MAML2: variants seen among roughly 807,000 people sequenced by gnomAD.
MAML2 encodes mastermind-like protein 2.
MAML2 carries 22 observed loss-of-function variants against 96.1 expected under a neutral mutation model. The ratio of observed to expected loss-of-function variants is 0.23; its 90% CI spans 0.16 to 0.33. The LOEUF (loss-of-function observed/expected upper bound fraction) is 0.33. MAML2 is among the 10% of genes least tolerant of loss of function. MAML2 has a pLI of 1.00. For synonymous variants in MAML2, 561 were observed against 521.3 expected (o/e 1.08, Z -1.04); for missense variants, 1,367 against 1,392.4 (o/e 0.98, Z 0.29).
intron 1 of MAML2, among the ~76,000 whole-genome samples, chr11:96,135,771 C>T (rs1860620643): frequency 6.6e-6 from 1 of 150,992 alleles, no homozygotes; most frequent in East Asian, 1.9e-4. Flanking sequence ...CTAATAGTGA[C>T]ATACATCTCT....
chr11:96,222,063 A>G (rs1447151688), intron 1 of MAML2, among the ~76,000 whole-genome samples: 1 of 152,052 alleles, frequency 6.6e-6, no homozygotes, highest in African/African-American at 2.4e-5. Context: ...TTTTATTAAA[A>G]CCAGACCAAC....
At position 96,249,643 on chromosome 11, in the gene MAML2, G is replaced by A. The variant is rs577064771; in HGVS notation, c.513+91740C>T. 3.9e-5 allele frequency among the ~76,000 whole-genome samples: 6 copies of A among 152,026 alleles called. No homozygotes were observed. The South Asian group carries it at 1.0e-3, about 26-fold the overall frequency. ...CTTTCTTTGACACCCTACATCCAACGTATTGGCACTACTCTTGGCTCTGAC... is the reference window on the plus strand; with the variant it reads ...CTTTCTTTGACACCCTACATCCAACATATTGGCACTACTCTTGGCTCTGAC... On this transcript the variant is annotated intron_variant, in intron 1 of 4. Coordinates refer to ENST00000524717, the MANE Select transcript of MAML2 (RefSeq NM_032427.4).
In MAML2 at chr11:96,281,290, G is replaced by A. The variant is rs546674225; in HGVS notation, c.513+60093C>T. On this transcript the variant is annotated intron_variant, in intron 1 of 4. Coordinates refer to ENST00000524717, the MANE Select transcript of MAML2 (RefSeq NM_032427.4). ...CAACAGAGAATAGCCACTGATGGAAGGGAAGTGGGGTCTGGTGGCAGGTGA... is the reference window on the plus strand; with the variant it reads ...CAACAGAGAATAGCCACTGATGGAAAGGAAGTGGGGTCTGGTGGCAGGTGA... Among the ~76,000 whole-genome samples, 4 of 152,310 alleles carry A rather than the reference G, an allele frequency of 2.6e-5. No individual in the cohort carries two copies. In the South Asian group the frequency reaches 8.3e-4, roughly 32 times the overall value.
intron 1 of MAML2, among the ~76,000 whole-genome samples, chr11:96,184,154 C>T (rs537819860): frequency 1.3e-5 from 2 of 152,260 alleles, no homozygotes; most frequent in East Asian, 1.9e-4. Flanking sequence ...TAGAAAAAAA[C>T]GCATAAAGCT....
intron 1 of MAML2, among the ~76,000 whole-genome samples, chr11:96,308,488 G>A (rs1863496694): frequency 6.6e-6 from 1 of 152,088 alleles, no homozygotes; most frequent in Non-Finnish European, 1.5e-5. Flanking sequence ...CTGCATACCT[G>A]ATTATGTTTT....
intron 1 of MAML2, among the ~76,000 whole-genome samples, chr11:96,135,828 A>C (rs1346903853): frequency 6.7e-6 from 1 of 149,168 alleles, no homozygotes; most frequent in Non-Finnish European, 1.5e-5. Context: ...ATGCCACTAC[A>C]CTCCAGCCTG....
intron 1 of MAML2, among the ~76,000 whole-genome samples, chr11:96,124,636 A>G (rs961056234): frequency 3.3e-5 from 5 of 152,158 alleles, no homozygotes; most frequent in African/African-American, 9.7e-5. Flanking sequence ...CCTTATCATC[A>G]TCATCATCAC....
chr11:96,305,925 A>G (rs1041576612), intron 1 of MAML2, among the ~76,000 whole-genome samples: 2 of 152,332 alleles, frequency 1.3e-5, no homozygotes, highest in South Asian at 2.1e-4. Context: ...GTGTTTTTAA[A>G]AGACAAAGTG....
intron 1 of MAML2, among the ~76,000 whole-genome samples, chr11:96,114,784 C>A (rs1033969502): frequency 6.6e-6 from 1 of 152,186 alleles, no homozygotes; most frequent in Admixed American, 6.5e-5. Context: ...AAGGCTCAGG[C>A]CCCATCTGCT....
chr11:96,326,692 C>A (rs1054585627), intron 1 of MAML2, among the ~76,000 whole-genome samples: 6 of 151,278 alleles, frequency 4.0e-5, no homozygotes, highest in African/African-American at 1.2e-4. Context: ...CCCAGCTACT[C>A]GGGAGGCTGA....
chr11:96,171,735 T>C (rs140683255), intron 1 of MAML2, among the ~76,000 whole-genome samples: 158 of 152,282 alleles, frequency 1.0e-3, no homozygotes, highest in African/African-American at 3.5e-3. Flanking sequence ...AACCAAATAA[T>C]GAATGGCAGA....
chr11:96,148,659 T>TACACACACACACACAC lies in MAML2; in HGVS notation c.514-55158_514-55143dup, dbSNP rs58470055. Among the ~76,000 whole-genome samples, 101 of 131,954 alleles carry TACACACACACACACAC rather than the reference T, an allele frequency of 7.7e-4. 2 individuals carry two copies. The highest frequency in any genetic ancestry group is 2.4e-3 in the African/African-American group (82 of 34,336). 86.6% of individuals were successfully genotyped at this position (131,954 alleles called of 152,430 possible). A position where few individuals can be genotyped will look rare whatever the true frequency, so the allele number is the denominator to read the frequency against. ...TGAAAAGTCTGAAAATTCTGAAAAA[T>TACACACACACACACAC]ACACACACACACACACACACACACA... On this transcript the variant is annotated intron_variant, in intron 1 of 4. Coordinates refer to ENST00000524717, the MANE Select transcript of MAML2 (RefSeq NM_032427.4).
At chr11:96,118,470 G>A (rs1387941509) in intron 1 of MAML2, among the ~76,000 whole-genome samples, 1 of 152,140 alleles carries the variant, frequency 6.6e-6, no homozygotes, top group Non-Finnish European at 1.5e-5. Flanking sequence ...ATGATTGTAA[G>A]TTTCCTGGGG....
At chr11:96,229,157 T>A (rs1319927094) in intron 1 of MAML2, among the ~76,000 whole-genome samples, 1 of 151,842 alleles carries the variant, frequency 6.6e-6, no homozygotes, top group African/African-American at 2.4e-5. Context: ...AACAAAAACA[T>A]CCCAAACCTG....
chr11:96,093,619 C>T, intron 1 of MAML2, 102 bp from the exon 2 acceptor site: 1 of 887,720 alleles, frequency 1.1e-6, no homozygotes. Flanking sequence ...TCTATTTACA[C>T]ACAAGATTCA....
rs1864012556 is a variant in MAML2 at position 96,342,508 on chromosome 11, A to C, written c.-613T>G. 1 of 398,316 alleles carries C rather than the reference A, an allele frequency of 2.5e-6. No homozygotes were observed. Among genetic ancestry groups the C allele is most frequent in the African/African-American group, 2.1e-5 (1 of 48,648 alleles). The allele number at this position is 398,316 out of a possible 1,614,324, so 24.7% of individuals were successfully genotyped here. A position where few individuals can be genotyped will look rare whatever the true frequency, so the allele number is the denominator to read the frequency against. On this transcript the variant is annotated 5_prime_UTR_variant, in exon 1 of 5. Transcript: ENST00000524717. ...TCAGAAGATGTTTAAGTCACTGTTC[A>C]AAATGTGCAAAAATCAAGGGAGACT...
intron 1 of MAML2, among the ~76,000 whole-genome samples, chr11:96,189,194 TGA>T (rs1244993090): frequency 6.6e-6 from 1 of 152,138 alleles, no homozygotes; most frequent in Non-Finnish European, 1.5e-5. Context: ...TATGATTTGA[TGA>T]GAGTTTGGTA....
chr11:96,065,683 A>G (rs573169252), intron 2 of MAML2, among the ~76,000 whole-genome samples: 1 of 152,340 alleles, frequency 6.6e-6, no homozygotes, highest in Non-Finnish European at 1.5e-5. Flanking sequence ...CCTTATAACA[A>G]TCATGTGTGG....
At chr11:96,323,131 C>T (rs1863729920) in intron 1 of MAML2, among the ~76,000 whole-genome samples, 1 of 151,106 alleles carries the variant, frequency 6.6e-6, no homozygotes, top group South Asian at 2.1e-4. Flanking sequence ...AAGCACTCTC[C>T]AAGAGACCAT....
Sources: allele counts gnomAD v4.1 joint callset (sites outside exome capture counted in the v4.1 genomes callset), GRCh38; gene constraint gnomAD v4.1.1; transcripts MANE v1.5; gene names NCBI Gene and HGNC (gene_info 2026-07-23, HGNC 2026-07-21).